Variants in COL15A1 observed in about 807,000 individuals in gnomAD.
The protein encoded by COL15A1 is collagen type XV alpha 1 chain.
COL15A1 carries 111 observed loss-of-function variants against 165.9 expected under a neutral mutation model. That is an observed-to-expected ratio of 0.67 (90% CI 0.57 to 0.78). COL15A1 has a LOEUF of 0.78. Ranked by LOEUF, COL15A1 falls within the 30% of genes least tolerant of loss-of-function variation. The pLI is 0.00. For missense variants in COL15A1, 1,745 were observed against 1,789.7 expected (o/e 0.98, Z 0.45); for synonymous variants, 659 against 674.8 (o/e 0.98, Z 0.36).
chr9:99,017,592 G>T (rs1473059823), intron 11 of COL15A1, among the ~76,000 whole-genome samples: 1 of 152,174 alleles, frequency 6.6e-6, no homozygotes, highest in African/African-American at 2.4e-5. Flanking sequence ...TCTGAGTCCA[G>T]TGCTAGACCA....
intron 39 of COL15A1, among the ~76,000 whole-genome samples, chr9:99,063,738 A>C (rs933612190): frequency 2.0e-5 from 3 of 152,178 alleles, no homozygotes; most frequent in African/African-American, 7.2e-5. Context: ...GTGTTATCTG[A>C]ACTAGAATCA....
intron 11 of COL15A1, among the ~76,000 whole-genome samples, chr9:99,016,588 G>T (rs1025122440): frequency 8.5e-5 from 13 of 152,212 alleles, no homozygotes; most frequent in Non-Finnish European, 1.9e-4. Flanking sequence ...AAAATGAGTG[G>T]CTGCAAGGCC....
intron 2 of COL15A1, among the ~76,000 whole-genome samples, chr9:98,948,761 G>A (rs1039379762): frequency 2.0e-5 from 3 of 152,196 alleles, no homozygotes; most frequent in African/African-American, 7.2e-5. Context: ...AGATAAGGGG[G>A]CTATTGTCCA....
At chr9:98,986,343 CTG>C (rs1393390753) in intron 3 of COL15A1, 36 of 502,666 alleles carry the variant, frequency 7.2e-5, no homozygotes, top group Non-Finnish European at 1.1e-4. Context: ...CTGATCCTCT[CTG>C]TGTTTCCTTA....
At chr9:98,949,468 A>T (rs1837642564) in intron 2 of COL15A1, among the ~76,000 whole-genome samples, 1 of 152,132 alleles carries the variant, frequency 6.6e-6, no homozygotes. Context: ...CATGTCTTCT[A>T]AATGGTTGTA....
At chr9:98,962,991 T>A (rs1192837465) in intron 2 of COL15A1, among the ~76,000 whole-genome samples, 1 of 152,236 alleles carries the variant, frequency 6.6e-6, no homozygotes, top group Non-Finnish European at 1.5e-5. Flanking sequence ...TGAGAAGCTT[T>A]CATTTCTCCA....
rs1825960674 is a variant in COL15A1, at chr9:99,070,016, AACC to A, written c.*132_*134del. ...TTTACTACATATTCTTTACAACAGC[AACC>A]AAAGAAAACATACCTCAATACACTC... is the stretch of plus-strand genomic sequence containing the variant. On this transcript the variant is annotated 3_prime_UTR_variant, in exon 42 of 42. Transcript: ENST00000375001. 1 of 710,128 alleles carries A rather than the reference AACC, an allele frequency of 1.4e-6. No individual in the cohort carries two copies. The highest frequency in any genetic ancestry group is 2.0e-5 in the South Asian group (1 of 49,914). The allele number at this position is 710,128 out of a possible 1,614,324, so 44.0% of individuals were successfully genotyped here.
At chr9:98,944,530 G>A (rs1470596234) in intron 2 of COL15A1, among the ~76,000 whole-genome samples, 1 of 152,156 alleles carries the variant, frequency 6.6e-6, no homozygotes, top group East Asian at 1.9e-4. Context: ...GGCAGAGAGG[G>A]ACTTCAGAAA....
In COL15A1 at chr9:99,015,563, T is replaced by A. The variant is rs1298959855; in HGVS notation, c.1500T>A (p.Thr500=). The change falls in exon 10 of 42, where the codon ACT becomes ACA. Residue 500 remains threonine, a synonymous_variant. Coordinates refer to ENST00000375001, the MANE Select transcript of COL15A1 (RefSeq NM_001855.5). The part of the protein sequence containing the change: ...TATMAPERAV[T]SGPGDEEDLA... Reference sequence around the variant, plus strand: ...CCATGGCCCCTGAGCGGGCAGTCACTTCTGTAAGTGTCATCTTGTGTCCTC... The same window carrying A: ...CCATGGCCCCTGAGCGGGCAGTCACATCTGTAAGTGTCATCTTGTGTCCTC... 2 of 1,613,532 alleles carry A rather than the reference T, an allele frequency of 1.2e-6. No homozygotes were observed. Among genetic ancestry groups the A allele is most frequent in the South Asian group, 2.2e-5 (2 of 91,008 alleles).
intron 2 of COL15A1, among the ~76,000 whole-genome samples, chr9:98,981,493 C>T (rs148790549): frequency 6.6e-6 from 1 of 152,232 alleles, no homozygotes; most frequent in East Asian, 1.9e-4. Flanking sequence ...ATCAGAGCCA[C>T]ATGTATCAAC....
chr9:99,009,561 G>T (rs545337058), intron 9 of COL15A1, among the ~76,000 whole-genome samples: 1 of 152,176 alleles, frequency 6.6e-6, no homozygotes, highest in South Asian at 2.1e-4. Flanking sequence ...TGGGACCTAA[G>T]TTAGAATTTG....
At chr9:99,061,517 C>T (rs1437178516) in intron 36 of COL15A1, among the ~76,000 whole-genome samples, 1 of 152,214 alleles carries the variant, frequency 6.6e-6, no homozygotes, top group Non-Finnish European at 1.5e-5. Flanking sequence ...TAGTTGCTCA[C>T]TTGCTTGCCT....
intron 9 of COL15A1, among the ~76,000 whole-genome samples, chr9:99,005,318 C>T (rs779011332): frequency 1.2e-4 from 19 of 152,078 alleles, no homozygotes; most frequent in Non-Finnish European, 2.8e-4. Flanking sequence ...GCTGCCTCCA[C>T]CCACAGGGGG....
chr9:99,063,011 C>A (rs753391340), intron 38 of COL15A1, 39 bp from the exon 39 acceptor site: 2 of 1,577,006 alleles, frequency 1.3e-6, no homozygotes, highest in Admixed American at 3.9e-5. Context: ...AGATTGAATG[C>A]ATATTCAGAA....
At chr9:99,066,665 G>A (rs1825899671) in intron 39 of COL15A1, among the ~76,000 whole-genome samples, 1 of 133,664 alleles carries the variant, frequency 7.5e-6, no homozygotes, top group South Asian at 2.5e-4. Context: ...GCTGTTCAGA[G>A]AGCTGAAACA....
intron 39 of COL15A1, 137 bp downstream of exon 39, chr9:99,063,246 T>TACAATACC: frequency 9.1e-7 from 1 of 1,093,390 alleles, no homozygotes. Context: ...AACAGAGAAT[T>TACAATACC]ACAATACAGT....
intron 36 of COL15A1, 31 bp from the exon 37 acceptor site, chr9:99,061,940 G>T (rs1232868507): frequency 6.2e-7 from 1 of 1,601,624 alleles, no homozygotes; most frequent in East Asian, 2.2e-5. Flanking sequence ...TAATGATAAT[G>T]GCAGTGTTTG....
chr9:99,069,961 T>A lies in COL15A1; in HGVS notation c.*75T>A. The A allele has an allele frequency of 8.2e-7, 1 of 1,221,470 alleles. No individual in the cohort carries two copies. Among genetic ancestry groups the A allele is most frequent in the Non-Finnish European group, 1.1e-6 (1 of 877,666 alleles). The allele number at this position is 1,221,470 out of a possible 1,614,324, so 75.7% of individuals were successfully genotyped here. ...AGTTGACACTGAAATCTAAAATGTT[T>A]AATTGTTGTAAATATTACAGTTTTT... On this transcript the variant is annotated 3_prime_UTR_variant, in exon 42 of 42. Coordinates refer to ENST00000375001, the MANE Select transcript of COL15A1 (RefSeq NM_001855.5).
intron 9 of COL15A1, among the ~76,000 whole-genome samples, chr9:99,014,983 G>T (rs550408465): frequency 6.6e-6 from 1 of 152,278 alleles, no homozygotes; most frequent in African/African-American, 2.4e-5. Flanking sequence ...TCTGTCCTTT[G>T]TCTGCAAGGA....
Sources: allele counts gnomAD v4.1 joint callset (sites outside exome capture counted in the v4.1 genomes callset), GRCh38; gene constraint gnomAD v4.1.1; transcripts MANE v1.5; gene names NCBI Gene and HGNC (gene_info 2026-07-23, HGNC 2026-07-21).